Variants in KIAA1217 observed in about 807,000 individuals in gnomAD.
The protein encoded by KIAA1217 is KIAA1217, also known as sickle tail protein homolog.
In KIAA1217, 88 loss-of-function variants were observed where a neutral mutation model predicts 163.9. The ratio of observed to expected loss-of-function variants is 0.54; its 90% CI spans 0.45 to 0.64. KIAA1217 has a LOEUF of 0.64. Ranked by LOEUF, KIAA1217 falls within the 30% of genes least tolerant of loss-of-function variation. The pLI is 0.00. For missense variants in KIAA1217, 2,372 were observed against 2,475.0 expected, an observed-to-expected ratio of 0.96 and a Z score of 0.88; for synonymous variants, 903 against 923.1, an observed-to-expected ratio of 0.98 and a Z score of 0.39.
intron 1 of KIAA1217, among the ~76,000 whole-genome samples, chr10:23,963,654 T>C (rs1844920757): frequency 6.6e-6 from 1 of 152,158 alleles, no homozygotes; most frequent in Admixed American, 6.5e-5. Context: ...CTGGGTCAAA[T>C]GGTATTTCTG....
chr10:24,494,833 GT>G, intron 7 of KIAA1217: 1 of 578,778 alleles, frequency 1.7e-6, no homozygotes, highest in East Asian at 2.9e-5. Flanking sequence ...GCCCAAGAAG[GT>G]AAATGGGCTT....
chr10:24,179,692 G>T (rs1445392476), intron 2 of KIAA1217, among the ~76,000 whole-genome samples: 1 of 152,022 alleles, frequency 6.6e-6, no homozygotes, highest in Non-Finnish European at 1.5e-5. Flanking sequence ...GGGTTCAAGT[G>T]ATTCTTGTCC....
At chr10:24,499,669 C>T (rs2067263917) in intron 8 of KIAA1217, among the ~76,000 whole-genome samples, 1 of 152,070 alleles carries the variant, frequency 6.6e-6, no homozygotes, top group Non-Finnish European at 1.5e-5. Flanking sequence ...GAGGCAGAGG[C>T]TGCAGTGAGC....
At chr10:24,321,033 C>T (rs1451115997) in intron 2 of KIAA1217, among the ~76,000 whole-genome samples, 8 of 145,778 alleles carry the variant, frequency 5.5e-5, no homozygotes, top group South Asian at 4.6e-4. Context: ...GGCAACAGAG[C>T]GAGACTCCAT....
At chr10:23,940,270 G>A (rs889791280) in intron 1 of KIAA1217, among the ~76,000 whole-genome samples, 2 of 151,710 alleles carry the variant, frequency 1.3e-5, no homozygotes, top group Non-Finnish European at 2.9e-5. Flanking sequence ...GACCAGTCGG[G>A]CCAAAATGGT....
At chr10:23,926,749 A>ATAAATAAATAAG (rs571507725) in intron 1 of KIAA1217, among the ~76,000 whole-genome samples, 119 of 151,462 alleles carry the variant, frequency 7.9e-4, no homozygotes, top group African/African-American at 2.8e-3. Flanking sequence ...AAATAAATAA[A>ATAAATAAATAAG]TAAATAAATA....
At chr10:23,893,056 A>G (rs1841485086) in intron 1 of KIAA1217, among the ~76,000 whole-genome samples, 1 of 152,018 alleles carries the variant, frequency 6.6e-6, no homozygotes. Flanking sequence ...GAATAGTTTC[A>G]GAAGGAATGG....
intron 1 of KIAA1217, among the ~76,000 whole-genome samples, chr10:23,906,743 T>C (rs1025537213): frequency 2.0e-5 from 3 of 152,134 alleles, no homozygotes; most frequent in African/African-American, 7.2e-5. Context: ...TTATTACTGC[T>C]GGAGCTCTCA....
At chr10:24,159,527 C>A (rs1233066361) in intron 2 of KIAA1217, among the ~76,000 whole-genome samples, 1 of 152,042 alleles carries the variant, frequency 6.6e-6, no homozygotes, top group East Asian at 1.9e-4. Context: ...TGCCTGTAAT[C>A]CCAGCACTTT....
Position 24,400,511 on chromosome 10 carries a change from G to T in KIAA1217, c.553+19444G>T, listed in dbSNP as rs1013798980. On this transcript the variant is annotated intron_variant, in intron 3 of 20. Coordinates refer to ENST00000376454, the MANE Select transcript of KIAA1217 (RefSeq NM_019590.5). ...AGCATAACAAATCTTGGCTCTTAAAGCTTCTGCAAGAAGTGATGCTTTGGT... is the reference window on the plus strand; with the variant it reads ...AGCATAACAAATCTTGGCTCTTAAATCTTCTGCAAGAAGTGATGCTTTGGT... 1.1e-4 allele frequency among the ~76,000 whole-genome samples: 16 copies of T among 152,286 alleles called. 1 individual carries two copies. The highest frequency in any genetic ancestry group is 7.9e-4 in the Admixed American group (12 of 15,274).
chr10:24,466,673 T>A (rs2062978690), intron 5 of KIAA1217: 1 of 985,332 alleles, frequency 1.0e-6, no homozygotes, highest in Admixed American at 6.1e-5. Context: ...TCTAAAATAT[T>A]CAAGTGTGCA....
chr10:23,971,756 C>T (rs1339686559), intron 1 of KIAA1217, among the ~76,000 whole-genome samples: 1 of 152,200 alleles, frequency 6.6e-6, no homozygotes, highest in African/African-American at 2.4e-5. Flanking sequence ...CCCTTCCCTT[C>T]CCAGGTCTTT....
intron 2 of KIAA1217, among the ~76,000 whole-genome samples, chr10:24,176,689 G>A (rs534358588): frequency 1.3e-4 from 20 of 152,352 alleles, no homozygotes; most frequent in South Asian, 6.2e-4. Flanking sequence ...CACCAGAGCC[G>A]CGGGCAGAGC....
chr10:23,822,754 A>ATG (rs1564452101), intron 1 of KIAA1217, among the ~76,000 whole-genome samples: 5 of 151,962 alleles, frequency 3.3e-5, no homozygotes, highest in Non-Finnish European at 7.4e-5. Flanking sequence ...GGTATTTAGC[A>ATG]CAGAGTTTTT....
intron 2 of KIAA1217, among the ~76,000 whole-genome samples, chr10:24,085,085 T>C (rs2061655073): frequency 6.6e-6 from 1 of 152,016 alleles, no homozygotes; most frequent in African/African-American, 2.4e-5. Context: ...GGCTAATTTT[T>C]TTGTATTTTT....
intron 1 of KIAA1217, among the ~76,000 whole-genome samples, chr10:23,980,746 C>T (rs887782058): frequency 1.3e-5 from 2 of 152,186 alleles, no homozygotes; most frequent in Non-Finnish European, 2.9e-5. Flanking sequence ...TCAGCTCATC[C>T]TTGATGGCAA....
intron 6 of KIAA1217, among the ~76,000 whole-genome samples, chr10:24,489,936 CT>C (rs1328592151): frequency 7.0e-6 from 1 of 142,700 alleles, no homozygotes; most frequent in Non-Finnish European, 1.5e-5. Context: ...AACACAGATT[CT>C]TTTTTTTCCT....
intron 2 of KIAA1217, among the ~76,000 whole-genome samples, chr10:24,008,423 CCT>C (rs774570880): frequency 5.9e-5 from 9 of 152,064 alleles, no homozygotes; most frequent in Non-Finnish European, 1.0e-4. Context: ...GCAAAAGTTC[CCT>C]GAGTGACGGT....
intron 1 of KIAA1217, among the ~76,000 whole-genome samples, chr10:23,886,161 A>C (rs1031320340): frequency 2.0e-5 from 3 of 151,858 alleles, no homozygotes; most frequent in African/African-American, 7.3e-5. Flanking sequence ...CCTGTCCTTC[A>C]CAAATAATTT....
Sources: allele counts gnomAD v4.1 joint callset (sites outside exome capture counted in the v4.1 genomes callset), GRCh38; gene constraint gnomAD v4.1.1; transcripts MANE v1.5; gene names NCBI Gene and HGNC (gene_info 2026-07-23, HGNC 2026-07-21).